The following LINGO2 variants were observed in gnomAD, a reference collection of about 807,000 sequenced individuals.
LINGO2 encodes leucine rich repeat and Ig domain containing 2, also known as leucine-rich repeat and immunoglobulin-like domain-containing nogo receptor-interacting protein 2.
In LINGO2, 14 loss-of-function variants were observed where a neutral mutation model predicts 30.6. The observed-to-expected ratio is 0.46, with a 90% CI of 0.30 to 0.72. The LOEUF (loss-of-function observed/expected upper bound fraction) is 0.72. Ranked by LOEUF, LINGO2 falls within the 30% of genes least tolerant of loss-of-function variation. LINGO2 has a pLI of 0.07. For missense variants in LINGO2, 729 were observed against 751.7 expected, an observed-to-expected ratio of 0.97 and a Z score of 0.35; for synonymous variants, 317 against 288.5, an observed-to-expected ratio of 1.10 and a Z score of -1.00.
the LINGO2 span, among the ~76,000 whole-genome samples, chr9:28,719,966 T>A: frequency 2.6e-5 from 4 of 152,062 alleles, no homozygotes; most frequent in Non-Finnish European, 5.9e-5. Flanking sequence ...CAAATCTTAG[T>A]GTTTCAACAT....
chr9:28,948,160 T>C, the LINGO2 span, among the ~76,000 whole-genome samples: 1 of 152,072 alleles, frequency 6.6e-6, no homozygotes, highest in Non-Finnish European at 1.5e-5. Flanking sequence ...TAAATGTATA[T>C]TAAAAATCAA....
chr9:28,562,517 C>T (rs1043653559), intron 1 of LINGO2, among the ~76,000 whole-genome samples: 3 of 147,678 alleles, frequency 2.0e-5, no homozygotes, highest in African/African-American at 7.5e-5. Flanking sequence ...CAAATTTCAC[C>T]AGGAAAGTAT....
chr9:28,448,888 A>G (rs1824533359), intron 2 of LINGO2, among the ~76,000 whole-genome samples: 1 of 152,132 alleles, frequency 6.6e-6, no homozygotes, highest in East Asian at 1.9e-4. Context: ...AAAATGTAGG[A>G]CAAGTCAGGG....
intron 3 of LINGO2, among the ~76,000 whole-genome samples, chr9:28,360,583 G>T (rs1435000472): frequency 6.6e-6 from 1 of 152,174 alleles, no homozygotes; most frequent in Non-Finnish European, 1.5e-5. Context: ...TGAAGGCACT[G>T]AAGAGACACA....
chr9:29,063,022 C>A, the LINGO2 span, among the ~76,000 whole-genome samples: 2 of 152,170 alleles, frequency 1.3e-5, no homozygotes, highest in South Asian at 2.1e-4. Flanking sequence ...GCTGGCAATT[C>A]TTTTTATAAT....
chr9:28,411,082 T>A (rs1376607563), intron 2 of LINGO2, among the ~76,000 whole-genome samples: 1 of 152,106 alleles, frequency 6.6e-6, no homozygotes, highest in Non-Finnish European at 1.5e-5. Context: ...GAACTTATCC[T>A]TTTTCCTTTA....
chr9:29,055,949 C>CACACAT, the LINGO2 span, among the ~76,000 whole-genome samples: 5 of 123,140 alleles, frequency 4.1e-5, no homozygotes, highest in African/African-American at 1.6e-4. Flanking sequence ...TGTATATATA[C>CACACAT]ATATATATGT....
the LINGO2 span, among the ~76,000 whole-genome samples, chr9:28,803,227 C>G: frequency 6.6e-6 from 1 of 151,730 alleles, no homozygotes; most frequent in Non-Finnish European, 1.5e-5. Flanking sequence ...GGATTACAAA[C>G]AGAAGTTTTA....
At chr9:29,128,375 T>C in the LINGO2 span, among the ~76,000 whole-genome samples, 1 of 152,112 alleles carries the variant, frequency 6.6e-6, no homozygotes, top group Non-Finnish European at 1.5e-5. Flanking sequence ...CACTCCCCAC[T>C]TGGCTGCATC....
chr9:28,510,087 C>T (rs1470969723), intron 1 of LINGO2, among the ~76,000 whole-genome samples: 1 of 152,110 alleles, frequency 6.6e-6, no homozygotes, highest in African/African-American at 2.4e-5. Flanking sequence ...TTGATTAGGG[C>T]TTGGAAATGT....
intron 2 of LINGO2, among the ~76,000 whole-genome samples, chr9:28,466,287 A>T (rs1226340418): frequency 6.6e-6 from 1 of 152,222 alleles, no homozygotes; most frequent in African/African-American, 2.4e-5. Context: ...TCAGCCATAA[A>T]AAAGATGGCT....
At chr9:28,895,727 G>A in the LINGO2 span, among the ~76,000 whole-genome samples, 12 of 151,904 alleles carry the variant, frequency 7.9e-5, no homozygotes, top group Non-Finnish European at 1.6e-4. Flanking sequence ...TAAGTGTTAC[G>A]GGGATGTCAC....
the LINGO2 span, among the ~76,000 whole-genome samples, chr9:29,192,935 G>T: frequency 6.6e-6 from 1 of 152,186 alleles, no homozygotes; most frequent in Non-Finnish European, 1.5e-5. Flanking sequence ...GGACTGACAG[G>T]CGTTGTGGTA....
the LINGO2 span, among the ~76,000 whole-genome samples, chr9:28,807,919 A>G: frequency 6.6e-6 from 1 of 152,168 alleles, no homozygotes; most frequent in Non-Finnish European, 1.5e-5. Context: ...AAATGAAAGA[A>G]GAAAAAAAAT....
At chr9:29,163,778 T>C in the LINGO2 span, among the ~76,000 whole-genome samples, 1 of 152,178 alleles carries the variant, frequency 6.6e-6, no homozygotes, top group South Asian at 2.1e-4. Context: ...CAGAAGACTT[T>C]GTTTGGAAAA....
chr9:28,928,943 G>A, the LINGO2 span, among the ~76,000 whole-genome samples: 1 of 152,130 alleles, frequency 6.6e-6, no homozygotes, highest in African/African-American at 2.4e-5. Context: ...AACGGAAACA[G>A]CATGTGAATA....
chr9:27,998,638 G>A (rs1227732562), intron 5 of LINGO2, among the ~76,000 whole-genome samples: 1 of 152,160 alleles, frequency 6.6e-6, no homozygotes, highest in Non-Finnish European at 1.5e-5. Flanking sequence ...AGAAGTAGCT[G>A]TGCGTGGTGG....
chr9:28,876,517 T>C, the LINGO2 span, among the ~76,000 whole-genome samples: 1 of 152,036 alleles, frequency 6.6e-6, no homozygotes, highest in African/African-American at 2.4e-5. Flanking sequence ...TTTTTGTCCT[T>C]GCTATACTTT....
chr9:28,847,870 T>C, the LINGO2 span, among the ~76,000 whole-genome samples: 1 of 123,980 alleles, frequency 8.1e-6, no homozygotes, highest in East Asian at 2.4e-4. Flanking sequence ...ACTATATACA[T>C]ATACAGTATA....
Sources: allele counts gnomAD v4.1 joint callset (sites outside exome capture counted in the v4.1 genomes callset), GRCh38; gene constraint gnomAD v4.1.1; transcripts MANE v1.5; gene names NCBI Gene and HGNC (gene_info 2026-07-23, HGNC 2026-07-21).